Variants in MAGI1 observed in about 807,000 individuals in gnomAD.
MAGI1 encodes membrane-associated guanylate kinase, WW and PDZ domain-containing protein 1.
Under a neutral mutation model 139.9 loss-of-function variants are expected in MAGI1, and 58 were observed. The ratio of observed to expected loss-of-function variants is 0.41; its 90% CI spans 0.34 to 0.52. The LOEUF is 0.52. Among genes scored for constraint, MAGI1 ranks in the 20% least tolerant of loss-of-function variants. The probability of loss-of-function intolerance (pLI) is 0.12; values close to 1 mark genes in which losing one functional copy is unlikely to be tolerated. For missense variants in MAGI1, 1,874 were observed against 1,901.6 expected, an observed-to-expected ratio of 0.99 and a Z score of 0.27; for synonymous variants, 812 against 737.9, an observed-to-expected ratio of 1.10 and a Z score of -1.63.
chr3:65,767,402 C>T (rs945828302), intron 1 of MAGI1, among the ~76,000 whole-genome samples: 1 of 151,266 alleles, frequency 6.6e-6, no homozygotes, highest in South Asian at 2.1e-4. Context: ...GCCAGGAGTT[C>T]GAGACCAGCC....
intron 1 of MAGI1, among the ~76,000 whole-genome samples, chr3:65,638,118 T>C (rs2084750462): frequency 6.6e-6 from 1 of 152,162 alleles, no homozygotes; most frequent in African/African-American, 2.4e-5. Context: ...TGCCTCTGTG[T>C]GTTCTTGGGC....
At chr3:65,610,844 T>C (rs1222847273) in intron 2 of MAGI1, among the ~76,000 whole-genome samples, 1 of 140,760 alleles carries the variant, frequency 7.1e-6, no homozygotes, top group Non-Finnish European at 1.5e-5. Flanking sequence ...AGATAGTATA[T>C]ACTATATAGT....
intron 1 of MAGI1, among the ~76,000 whole-genome samples, chr3:65,720,479 T>C (rs1299725203): frequency 6.6e-6 from 1 of 152,162 alleles, no homozygotes; most frequent in African/African-American, 2.4e-5. Context: ...CAAATTCTGA[T>C]GAACCTCTGG....
chr3:65,731,351 C>A (rs1386499837), intron 1 of MAGI1, among the ~76,000 whole-genome samples: 1 of 152,068 alleles, frequency 6.6e-6, no homozygotes, highest in African/African-American at 2.4e-5. Context: ...AGAATTCTAA[C>A]AGCATTTAAG....
chr3:65,458,178 A>C (rs1172395428), intron 5 of MAGI1, among the ~76,000 whole-genome samples: 3 of 151,990 alleles, frequency 2.0e-5, no homozygotes, highest in Non-Finnish European at 4.4e-5. Context: ...TATGGACTCC[A>C]CTTTCTTTAT....
chr3:65,732,676 C>T (rs546080907), intron 1 of MAGI1, among the ~76,000 whole-genome samples: 1 of 152,204 alleles, frequency 6.6e-6, no homozygotes, highest in South Asian at 2.1e-4. Context: ...TTAGTATCAA[C>T]TATCATAACA....
chr3:65,364,763 T>C (rs746750023), intron 19 of MAGI1, 38 bp from the exon 20 acceptor site: 1 of 1,608,852 alleles, frequency 6.2e-7, no homozygotes, highest in South Asian at 1.1e-5. Context: ...GAGCAACCCA[T>C]TAGCAAACTG....
intron 12 of MAGI1, among the ~76,000 whole-genome samples, chr3:65,418,270 T>C (rs1239129982): frequency 2.0e-5 from 3 of 152,176 alleles, no homozygotes; most frequent in African/African-American, 7.2e-5. Context: ...TTGTTAGTCT[T>C]GCCTCCCTAA....
chr3:65,708,300 G>C (rs920975992), intron 1 of MAGI1, among the ~76,000 whole-genome samples: 1 of 152,168 alleles, frequency 6.6e-6, no homozygotes. Flanking sequence ...AGAAGAGGAA[G>C]GTTAGCTTTC....
intron 1 of MAGI1, among the ~76,000 whole-genome samples, chr3:65,944,797 G>T (rs1206392454): frequency 1.3e-5 from 2 of 152,146 alleles, no homozygotes; most frequent in Non-Finnish European, 2.9e-5. Flanking sequence ...TACAGAATAA[G>T]GGAAGATAGT....
At chr3:65,462,274 C>T (rs1575841225) in intron 5 of MAGI1, among the ~76,000 whole-genome samples, 1 of 152,162 alleles carries the variant, frequency 6.6e-6, no homozygotes, top group South Asian at 2.1e-4. Flanking sequence ...AGTCTTTAAT[C>T]CATCTTGAGT....
intron 1 of MAGI1, among the ~76,000 whole-genome samples, chr3:65,699,047 C>T (rs1243728489): frequency 1.8e-4 from 22 of 124,838 alleles, no homozygotes; most frequent in Admixed American, 7.3e-4. Flanking sequence ...ACAAACAACC[C>T]CATCAAAAAG....
chr3:65,691,288 G>A (rs1171148924), intron 1 of MAGI1, among the ~76,000 whole-genome samples: 1 of 98,768 alleles, frequency 1.0e-5, no homozygotes, highest in African/African-American at 3.2e-5. Flanking sequence ...GGGCGACAGA[G>A]CAAGACTCCG....
At chr3:65,384,179 T>C (rs1350654717) in intron 14 of MAGI1, among the ~76,000 whole-genome samples, 2 of 152,248 alleles carry the variant, frequency 1.3e-5, no homozygotes, top group Admixed American at 6.5e-5. Flanking sequence ...GCAATGCTAA[T>C]AGGCTTTGTT....
chr3:65,663,759 G>A (rs1344554437), intron 1 of MAGI1, among the ~76,000 whole-genome samples: 1 of 152,120 alleles, frequency 6.6e-6, no homozygotes, highest in Non-Finnish European at 1.5e-5. Flanking sequence ...GGTTCCTTGT[G>A]CACTGTAAGA....
intron 2 of MAGI1, among the ~76,000 whole-genome samples, chr3:65,580,671 A>G (rs1333249584): frequency 2.0e-5 from 3 of 152,220 alleles, no homozygotes; most frequent in African/African-American, 7.2e-5. Context: ...GAAGTGAAGG[A>G]CAATAAAAAA....
At chr3:65,547,362 C>A (rs1188521202) in intron 2 of MAGI1, among the ~76,000 whole-genome samples, 1 of 152,218 alleles carries the variant, frequency 6.6e-6, no homozygotes, top group African/African-American at 2.4e-5. Context: ...CTAAATACAT[C>A]TGATAATATC....
At chr3:65,693,647 C>T (rs1365298033) in intron 1 of MAGI1, among the ~76,000 whole-genome samples, 1 of 152,264 alleles carries the variant, frequency 6.6e-6, no homozygotes, top group African/African-American at 2.4e-5. Flanking sequence ...GCGGCCTGAT[C>T]CAAGAAGACC....
chr3:65,615,498 C>T (rs145926573), intron 2 of MAGI1, among the ~76,000 whole-genome samples: 2 of 152,288 alleles, frequency 1.3e-5, no homozygotes, highest in Admixed American at 1.3e-4. Flanking sequence ...CACTTCAATG[C>T]TCCTGAAGGG....
Sources: allele counts gnomAD v4.1 joint callset (sites outside exome capture counted in the v4.1 genomes callset), GRCh38; gene constraint gnomAD v4.1.1; transcripts MANE v1.5; gene names NCBI Gene and HGNC (gene_info 2026-07-23, HGNC 2026-07-21).